The following FAM167A variants were observed in gnomAD, a reference collection of about 807,000 sequenced individuals.
The protein encoded by FAM167A is family with sequence similarity 167 member A, also known as protein FAM167A.
FAM167A carries 23 observed loss-of-function variants against 14.9 expected under a neutral mutation model. That is an observed-to-expected ratio of 1.55 (90% confidence interval 1.11 to 2.19). FAM167A has a LOEUF of 2.19. Among genes scored for constraint, FAM167A ranks in the 30% most tolerant of loss-of-function variants. FAM167A has a pLI of 0.00. For synonymous variants in FAM167A, 174 were observed against 117.7 expected (o/e 1.48, Z -3.10); for missense variants, 401 against 281.5 (o/e 1.42, Z -3.04).
chr8:11,426,460 A>G (rs1269543000), intron 2 of FAM167A, among the ~76,000 whole-genome samples: 1 of 152,180 alleles, frequency 6.6e-6, no homozygotes, highest in East Asian at 1.9e-4. Context: ...GTTAACAAAG[A>G]GATGTGATAA....
chr8:11,432,457 C>T (rs1347880909), intron 2 of FAM167A, among the ~76,000 whole-genome samples: 1 of 152,050 alleles, frequency 6.6e-6, no homozygotes, highest in African/African-American at 2.4e-5. Flanking sequence ...AGCCAACAGA[C>T]AAATAAAAAA....
upstream of FAM167A, among the ~76,000 whole-genome samples, chr8:11,469,902 A>T (rs570754943): frequency 8.2e-4 from 118 of 143,962 alleles, no homozygotes; most frequent in Non-Finnish European, 1.2e-3. Flanking sequence ...ATAAATAAAT[A>T]AATAAATAAA....
At chr8:11,433,656 G>A (rs1265531137) in intron 2 of FAM167A, among the ~76,000 whole-genome samples, 2 of 152,186 alleles carry the variant, frequency 1.3e-5, no homozygotes, top group Non-Finnish European at 2.9e-5. Context: ...CAGGCAGACA[G>A]AATGCCAAGG....
intron 1 of FAM167A, among the ~76,000 whole-genome samples, chr8:11,447,143 C>A (rs918775436): frequency 6.6e-6 from 1 of 152,050 alleles, no homozygotes; most frequent in Admixed American, 6.5e-5. Context: ...AAGTCTGTAA[C>A]TGTATTGCAG....
chr8:11,471,902 G>T (rs1483217510), upstream of FAM167A, among the ~76,000 whole-genome samples: 2 of 152,190 alleles, frequency 1.3e-5, no homozygotes, highest in Admixed American at 1.3e-4. Flanking sequence ...AGCTCTGGGT[G>T]GGAAAAGTAA....
chr8:11,427,678 G>C (rs1227065287), intron 2 of FAM167A, among the ~76,000 whole-genome samples: 1 of 152,118 alleles, frequency 6.6e-6, no homozygotes, highest in Non-Finnish European at 1.5e-5. Context: ...CGTTTTTTAT[G>C]CACTTGTACA....
At chr8:11,446,085 C>G (rs1399404144) in intron 1 of FAM167A, among the ~76,000 whole-genome samples, 3 of 147,414 alleles carry the variant, frequency 2.0e-5, no homozygotes, top group Non-Finnish European at 4.5e-5. Flanking sequence ...GTGAGGGGAA[C>G]TGGGCAGAAG....
intron 2 of FAM167A, among the ~76,000 whole-genome samples, chr8:11,426,266 C>T (rs1805137354): frequency 6.6e-6 from 1 of 152,174 alleles, no homozygotes; most frequent in South Asian, 2.1e-4. Flanking sequence ...GGTATACCTT[C>T]TGTGTATTGA....
At chr8:11,440,482 A>G (rs4240675) in intron 2 of FAM167A, among the ~76,000 whole-genome samples, 131,941 of 152,248 alleles carry the variant, frequency 0.87, 57,555 homozygotes, top group African/African-American at 0.95. Flanking sequence ...CAGTCAGGCA[A>G]TCATTCTGCC....
intron 2 of FAM167A, chr8:11,435,139 G>A (rs1402502647): frequency 2.2e-6 from 1 of 456,628 alleles, no homozygotes; most frequent in Non-Finnish European, 4.4e-6. Context: ...GACCTCTCCA[G>A]CCTCCTCTCC....
Position 11,424,392 on chromosome 8 carries a change from C to A in FAM167A, c.626G>T (p.Arg209Leu), listed in dbSNP as rs199968652. The A allele has an allele frequency of 6.2e-7, 1 of 1,614,084 alleles. No homozygotes were observed. The highest frequency in any genetic ancestry group is 1.7e-5 in the Admixed American group (1 of 60,008). Residue 209 changes from arginine (R) to leucine (L), a missense_variant, in exon 3 of 3, where the codon CGG (arginine) becomes CTG (leucine). Coordinates refer to ENST00000284486, the MANE Select transcript of FAM167A (RefSeq NM_053279.3). ...IGVTKMNINS[R>L]RFSLC ...GGCTCCTCAGCAGAGAGAGAACCTC[C>A]GAGAGTTGATGTTCATCTTGGTCAC...
At chr8:11,466,984 C>G (rs1023413098), upstream of FAM167A, among the ~76,000 whole-genome samples, 2 of 152,206 alleles carry the variant, frequency 1.3e-5, no homozygotes, top group African/African-American at 4.8e-5. Flanking sequence ...CAGATGAAAC[C>G]AAACCCAAAC....
upstream of FAM167A, among the ~76,000 whole-genome samples, chr8:11,469,632 C>T (rs1807891395): frequency 6.6e-6 from 1 of 151,884 alleles, no homozygotes; most frequent in Non-Finnish European, 1.5e-5. Flanking sequence ...TTTGGGAGGC[C>T]GAGGCAGGGG....
intron 2 of FAM167A, among the ~76,000 whole-genome samples, chr8:11,428,806 C>T (rs920000240): frequency 6.6e-6 from 1 of 152,200 alleles, no homozygotes; most frequent in Non-Finnish European, 1.5e-5. Flanking sequence ...GCAAAGGTGA[C>T]TTTGCACCTT....
chr8:11,458,418 C>T (rs1300612854), intron 1 of FAM167A, among the ~76,000 whole-genome samples: 2 of 152,160 alleles, frequency 1.3e-5, no homozygotes, highest in African/African-American at 4.8e-5. Flanking sequence ...CTCGGGTGAA[C>T]AGATCTATCT....
chr8:11,443,594 G>A (rs1806573194), intron 2 of FAM167A: 1 of 177,604 alleles, frequency 5.6e-6, no homozygotes, highest in Admixed American at 5.4e-5. Context: ...CCCGGCCAGC[G>A]CCCAGCACAA....
intron 2 of FAM167A, among the ~76,000 whole-genome samples, chr8:11,428,214 A>G (rs1047210426): frequency 6.6e-5 from 10 of 152,188 alleles, no homozygotes; most frequent in African/African-American, 1.9e-4. Flanking sequence ...GTCTAAGACT[A>G]TCTGTGAGAC....
At chr8:11,425,916 C>T (rs764753977) in intron 2 of FAM167A, among the ~76,000 whole-genome samples, 3 of 152,204 alleles carry the variant, frequency 2.0e-5, no homozygotes, top group Admixed American at 1.3e-4. Context: ...ATCTGTAGAG[C>T]ATTTCCATTA....
intron 2 of FAM167A, chr8:11,443,668 G>C (rs1806579204): frequency 4.6e-6 from 1 of 216,468 alleles, no homozygotes; most frequent in Non-Finnish European, 9.3e-6. Flanking sequence ...GTGGACAGCA[G>C]GGTGGGGAGG....
Sources: allele counts gnomAD v4.1 joint callset (sites outside exome capture counted in the v4.1 genomes callset), GRCh38; gene constraint gnomAD v4.1.1; transcripts MANE v1.5; gene names NCBI Gene and HGNC (gene_info 2026-07-23, HGNC 2026-07-21).